The following SUMF1 variants were observed in gnomAD, a reference collection of about 807,000 sequenced individuals.
The protein encoded by SUMF1 is sulfatase modifying factor 1, also known as formylglycine-generating enzyme.
A neutral mutation model predicts 47.6 loss-of-function variants in SUMF1; 48 were observed. The ratio of observed to expected loss-of-function variants is 1.01; its 90% CI spans 0.80 to 1.28. SUMF1 has a LOEUF of 1.28. SUMF1 is among the 50% of genes most tolerant of loss of function. SUMF1 has a pLI of 0.00. For synonymous variants in SUMF1, 230 were observed against 192.1 expected (o/e 1.20, Z -1.63); for missense variants, 571 against 485.4 (o/e 1.18, Z -1.66).
intron 8 of SUMF1, among the ~76,000 whole-genome samples, chr3:4,325,583 GTATA>G (rs770000048): frequency 6.2e-4 from 92 of 147,362 alleles, no homozygotes; most frequent in Non-Finnish European, 1.2e-3. Context: ...ATATATGTAT[GTATA>G]TATCTGTGTG....
chr3:4,336,848 T>C (rs924818841), intron 8 of SUMF1, among the ~76,000 whole-genome samples: 1 of 152,230 alleles, frequency 6.6e-6, no homozygotes, highest in African/African-American at 2.4e-5. Flanking sequence ...TTCATCAATC[T>C]GGGAAAATAC....
At chr3:4,295,329 T>A (rs1358521624) in intron 8 of SUMF1, among the ~76,000 whole-genome samples, 1 of 152,012 alleles carries the variant, frequency 6.6e-6, no homozygotes, top group Non-Finnish European at 1.5e-5. Flanking sequence ...AGCGAAATTA[T>A]CCTGTAGATA....
intron 8 of SUMF1, chr3:4,313,462 G>A: frequency 6.2e-7 from 1 of 1,613,966 alleles, no homozygotes; most frequent in South Asian, 1.1e-5. Context: ...TGACTCAATG[G>A]TACCTAAGTT....
At chr3:4,159,124 G>C (rs1044203641) in intron 8 of SUMF1, among the ~76,000 whole-genome samples, 2 of 151,148 alleles carry the variant, frequency 1.3e-5, no homozygotes, top group Admixed American at 6.6e-5. Flanking sequence ...GTGTTTCTCT[G>C]TGTACTTACT....
At chr3:4,355,069 G>A (rs1325766901) in intron 8 of SUMF1, among the ~76,000 whole-genome samples, 1 of 152,176 alleles carries the variant, frequency 6.6e-6, no homozygotes, top group Admixed American at 6.5e-5. Flanking sequence ...AGACAGTGAC[G>A]CCGGACACAG....
chr3:4,104,124 T>C (rs1257546290), intron 8 of SUMF1, among the ~76,000 whole-genome samples: 4 of 152,146 alleles, frequency 2.6e-5, no homozygotes, highest in African/African-American at 7.2e-5. Flanking sequence ...TTCCCACATG[T>C]TGTGGCAGGG....
intron 9 of SUMF1, among the ~76,000 whole-genome samples, chr3:4,053,099 A>G (rs768749354): frequency 2.0e-5 from 3 of 152,118 alleles, no homozygotes; most frequent in Non-Finnish European, 2.9e-5. Flanking sequence ...TGAGACACAC[A>G]TGATTCTTCC....
At chr3:4,200,453 C>A (rs1314130100) in intron 8 of SUMF1, among the ~76,000 whole-genome samples, 1 of 152,030 alleles carries the variant, frequency 6.6e-6, no homozygotes, top group African/African-American at 2.4e-5. Context: ...CTGGGACACC[C>A]TTCTCCTACC....
intron 8 of SUMF1, among the ~76,000 whole-genome samples, chr3:4,161,744 G>A (rs1258275515): frequency 6.6e-6 from 1 of 152,068 alleles, no homozygotes; most frequent in South Asian, 2.1e-4. Flanking sequence ...CCATCTAAGA[G>A]CCAAGACCTA....
In SUMF1 at chr3:4,303,880, C is replaced by T. The variant is rs147235582; in HGVS notation, c.1014+72450G>A. The T allele has an allele frequency of 3.9e-5, 50 of 1,274,894 alleles. 2 individuals are homozygous for T. The Middle Eastern group carries it at 1.2e-3, about 29-fold the overall frequency. 79.0% of individuals were successfully genotyped at this position (1,274,894 alleles called of 1,614,324 possible). On this transcript the variant is annotated intron_variant and NMD_transcript_variant, in intron 8 of 12. Coordinates refer to the SUMF1 transcript ENST00000448413. ...GGTGTCTCTCACAGGTAGGATAAGC[C>T]GTGGGGCCTATTAATGGATCGCAGC...
chr3:4,087,568 A>C (rs1263023752), intron 8 of SUMF1, among the ~76,000 whole-genome samples: 3 of 152,152 alleles, frequency 2.0e-5, no homozygotes, highest in African/African-American at 7.2e-5. Flanking sequence ...AAAGTAAAAT[A>C]GTAAGAAGAA....
At chr3:4,039,743 A>C (rs1448126254) in intron 9 of SUMF1, among the ~76,000 whole-genome samples, 1 of 152,130 alleles carries the variant, frequency 6.6e-6, no homozygotes, top group Non-Finnish European at 1.5e-5. Context: ...TTGTATGGTC[A>C]GGTATGGTGA....
At position 4,333,455 on chromosome 3, in the gene SUMF1, T is replaced by C. The variant is rs141251491; in HGVS notation, c.1014+42875A>G. Among the ~76,000 whole-genome samples the C allele has an allele frequency of 4.1e-4, 63 of 152,322 alleles. 1 individual carries two copies. The highest frequency in any genetic ancestry group is 1.5e-3 in the African/African-American group (62 of 41,574). On this transcript the variant is annotated intron_variant and NMD_transcript_variant, in intron 8 of 12. Coordinates refer to the SUMF1 transcript ENST00000448413. ...TTTAGTGAATACAGAAAGGAAAGCATGCAATTTTTAGGGCCTAATATTTAA... is the reference window on the plus strand; with the variant it reads ...TTTAGTGAATACAGAAAGGAAAGCACGCAATTTTTAGGGCCTAATATTTAA...
Position 4,341,578 on chromosome 3 carries a change from G to A in SUMF1, c.1014+34752C>T, listed in dbSNP as rs146223217. 5.3e-5 allele frequency among the ~76,000 whole-genome samples: 8 copies of A among 152,032 alleles called. No individual in the cohort carries two copies. In the East Asian group the frequency reaches 1.5e-3, roughly 29 times the overall value. On this transcript the variant is annotated intron_variant and NMD_transcript_variant, in intron 8 of 12. Transcript: ENST00000448413. ...TTAAAAAAATTCCAGAATTTTAAGA[G>A]ACTTACAAGGCTACATGCAAGAGAG...
chr3:4,433,571 C>A (rs1432307742), intron 3 of SUMF1, among the ~76,000 whole-genome samples: 1 of 152,172 alleles, frequency 6.6e-6, no homozygotes, highest in Non-Finnish European at 1.5e-5. Flanking sequence ...AACTCAGTTA[C>A]CGTGAACCCA....
chr3:4,231,000 T>C (rs1031949504), intron 8 of SUMF1, among the ~76,000 whole-genome samples: 10 of 152,312 alleles, frequency 6.6e-5, no homozygotes, highest in African/African-American at 2.2e-4. Context: ...TAACCCTATG[T>C]CTACAAAAGA....
chr3:4,198,531 C>G (rs1695477930), intron 8 of SUMF1, among the ~76,000 whole-genome samples: 1 of 152,128 alleles, frequency 6.6e-6, no homozygotes, highest in Non-Finnish European at 1.5e-5. Flanking sequence ...TTTCATTATG[C>G]AACCATCTTG....
intron 8 of SUMF1, among the ~76,000 whole-genome samples, chr3:4,269,965 A>G (rs528541917): frequency 1.3e-5 from 2 of 152,312 alleles, no homozygotes; most frequent in South Asian, 4.1e-4. Context: ...TAATGATACC[A>G]TGTATTAAGT....
intron 8 of SUMF1, among the ~76,000 whole-genome samples, chr3:4,206,740 A>G (rs1695660813): frequency 1.3e-5 from 2 of 152,076 alleles, no homozygotes; most frequent in African/African-American, 4.8e-5. Context: ...TTGGTGACTG[A>G]ACAACTATTG....
Sources: allele counts gnomAD v4.1 joint callset (sites outside exome capture counted in the v4.1 genomes callset), GRCh38; gene constraint gnomAD v4.1.1; transcripts MANE v1.5; gene names NCBI Gene and HGNC (gene_info 2026-07-23, HGNC 2026-07-21).